Variants in MATR3 observed in about 807,000 individuals in gnomAD.
MATR3 encodes matrin 3, also known as matrin-3.
Under a neutral mutation model 85.5 loss-of-function variants are expected in MATR3, and 4 were observed. The ratio of observed to expected loss-of-function variants is 0.05; its 90% CI spans 0.02 to 0.11. MATR3 has a LOEUF of 0.11. Among genes scored for constraint, MATR3 ranks in the 10% least tolerant of loss-of-function variants. The pLI, the probability that MATR3 is intolerant of heterozygous loss-of-function variation, is 1.00. For missense variants in MATR3, 685 were observed against 1,016.1 expected (o/e 0.67, Z 4.43); for synonymous variants, 336 against 343.1 (o/e 0.98, Z 0.23).
rs1561932944 is a variant in MATR3 at position 139,307,376 on chromosome 5, T to A, written c.-40T>A. The A allele has an allele frequency of 1.3e-6, 2 of 1,577,432 alleles. No individual in the cohort carries two copies. The highest frequency in any genetic ancestry group is 8.6e-7 in the Non-Finnish European group (1 of 1,168,488). ...TTTTTGGCCGTCTTTAAAAAAATTTTTTTTTTTAATCTATAAAATAGACAA... is the reference window on the plus strand; with the variant it reads ...TTTTTGGCCGTCTTTAAAAAAATTTATTTTTTTAATCTATAAAATAGACAA... On this transcript the variant is annotated 5_prime_UTR_variant, in exon 2 of 15. Transcript: ENST00000394805. The surrounding 1 kb of genome is among the most constrained non-coding windows in gnomAD (Gnocchi z 4.4).
In MATR3 at chr5:139,331,316, T is replaced by C. The variant is rs2152037469; in HGVS notation, c.*1921T>C. The C allele has an allele frequency of 2.2e-6, 1 of 454,170 alleles. No individual in the cohort carries two copies. Among genetic ancestry groups the C allele is most frequent in the Middle Eastern group, 6.9e-4 (1 of 1,444 alleles). The allele number at this position is 454,170 out of a possible 1,614,324, so 28.1% of individuals were successfully genotyped here. ...GCCTTTACTAATTACCCACTTCTGT[T>C]TAATTCCAATTTTTAACAGCAGGTA... On this transcript the variant is annotated 3_prime_UTR_variant, in exon 15 of 15. Coordinates refer to ENST00000394805, the MANE Select transcript of MATR3 (RefSeq NM_018834.6).
intron 1 of MATR3, among the ~76,000 whole-genome samples, chr5:139,303,823 T>C (rs1166653201): frequency 6.6e-6 from 1 of 152,222 alleles, no homozygotes; most frequent in Non-Finnish European, 1.5e-5. Context: ...TTGCGCTTAT[T>C]TTAGTAATTC....
At position 139,330,560 on chromosome 5, in the gene MATR3, A is replaced by C. The variant is rs528764967; in HGVS notation, c.*1165A>C. The C allele has an allele frequency of 6.6e-6, 3 of 454,116 alleles. No individual in the cohort carries two copies. The highest frequency in any genetic ancestry group is 4.7e-5 in the South Asian group (3 of 64,480). 28.1% of individuals were successfully genotyped at this position (454,116 alleles called of 1,614,324 possible). A position where few individuals can be genotyped will look rare whatever the true frequency, so the allele number is the denominator to read the frequency against. On this transcript the variant is annotated 3_prime_UTR_variant, in exon 15 of 15. Coordinates refer to ENST00000394805, the MANE Select transcript of MATR3 (RefSeq NM_018834.6). ...GCCGCTAAAGATCTGAGTTTTAAAA[A>C]TGTTGTTGCTGGTGGATTTCTTGTT...
chr5:139,317,103 G>A lies in MATR3; in HGVS notation c.1180G>A (p.Val394Met), dbSNP rs1482158829. 3.1e-6 allele frequency: 5 copies of A among 1,614,030 alleles called. No homozygotes were observed. Among genetic ancestry groups the A allele is most frequent in the Non-Finnish European group, 4.2e-6 (5 of 1,179,924 alleles). ...ACCTAGACACATGCAGAAAGGCAGA[G>A]TGGTCAGTAATGAAGCTTTTGGTTT... is the stretch of plus-strand genomic sequence containing the variant. Reference protein sequence around the residue: ...QGPRHMQKGRVETSRVVHIMD... With the variant: ...QGPRHMQKGRMETSRVVHIMD... The change falls in exon 6 of 15, where the codon GTG becomes ATG. Residue 394 changes from valine to methionine, a missense_variant and splice_region_variant. This residue lies in a region of MATR3 where 223 missense variants were observed against 334.4 expected (regional missense o/e 0.67). Transcript: ENST00000394805.
chr5:139,289,094 G>A (rs1753795601), upstream of MATR3, among the ~76,000 whole-genome samples: 1 of 152,190 alleles, frequency 6.6e-6, no homozygotes, highest in Non-Finnish European at 1.5e-5. Context: ...CATCATGAGG[G>A]AAGCCCCAGC....
intron 1 of MATR3, among the ~76,000 whole-genome samples, chr5:139,295,933 C>T (rs1754125292): frequency 6.6e-6 from 1 of 152,116 alleles, no homozygotes; most frequent in African/African-American, 2.4e-5. Context: ...AAGTAATCCT[C>T]CCACCTCAGC....
In MATR3 at chr5:139,331,559, A is replaced by T; in HGVS notation, c.*2164A>T. 2.2e-6 allele frequency: 1 copy of T among 454,144 alleles called. No individual in the cohort carries two copies. Among genetic ancestry groups the T allele is most frequent in the Non-Finnish European group, 4.4e-6 (1 of 226,800 alleles). 28.1% of individuals were successfully genotyped at this position (454,144 alleles called of 1,614,324 possible). On this transcript the variant is annotated 3_prime_UTR_variant, in exon 15 of 15. Transcript: ENST00000394805. ...TACGAGAAAACCTCTTTTTAGTAGG[A>T]ATGTTTCCACTCATGTTTGCTGTAA... is the stretch of plus-strand genomic sequence containing the variant.
At chr5:139,322,419 T>C in intron 10 of MATR3, 44 bp from the exon 11 acceptor site, 1 of 1,515,042 alleles carries the variant, frequency 6.6e-7, no homozygotes, top group East Asian at 2.3e-5. Flanking sequence ...GATAATTGTG[T>C]ATTCTGCAAA....
intron 9 of MATR3, among the ~76,000 whole-genome samples, chr5:139,320,419 A>G (rs1336922619): frequency 6.6e-6 from 1 of 152,200 alleles, no homozygotes; most frequent in Non-Finnish European, 1.5e-5. Flanking sequence ...CCCTGACAAC[A>G]TATTGAGGCC....
At chr5:139,321,089 G>C (rs1342038379) in intron 9 of MATR3, among the ~76,000 whole-genome samples, 1 of 151,792 alleles carries the variant, frequency 6.6e-6, no homozygotes, top group Non-Finnish European at 1.5e-5. Context: ...TATATAGATG[G>C]CTTAGTATTT....
At chr5:139,293,297 GT>G (rs1358939141), upstream of MATR3, 1 of 152,036 alleles carries the variant, frequency 6.6e-6, no homozygotes, top group Non-Finnish European at 1.5e-5. Context: ...AGCCAAAATG[GT>G]ATCGTTTTCC....
chr5:139,308,454 A>C (rs958436504), intron 2 of MATR3, 127 bp downstream of exon 2: 1 of 1,117,142 alleles, frequency 9.0e-7, no homozygotes, highest in Non-Finnish European at 1.3e-6. Flanking sequence ...TTTTGAGAAC[A>C]CTTACTTTAT....
intron 12 of MATR3, among the ~76,000 whole-genome samples, chr5:139,324,310 T>TG (rs1216600261): frequency 6.8e-6 from 1 of 146,706 alleles, no homozygotes; most frequent in South Asian, 2.2e-4. Context: ...TTTTTTTTTT[T>TG]GGAGACGGAG....
In MATR3 at chr5:139,279,050, G is replaced by A; in HGVS notation, c.-256-1G>A. On this transcript the variant is annotated splice_acceptor_variant, in intron 2 of 16. Transcript: ENST00000509990. LOFTEE classifies it low-confidence loss of function (5UTR_SPLICE). ...TCATTCTTTACCTCTTTGAATCCTA[G>A]ATGCCTTCACCTGAATGACATCTAC... 1 of 475,544 alleles carries A rather than the reference G, an allele frequency of 2.1e-6. No individual in the cohort carries two copies. 29.5% of individuals were successfully genotyped at this position (475,544 alleles called of 1,614,324 possible).
chr5:139,319,269 A>G, intron 8 of MATR3, 65 bp from the exon 9 acceptor site: 1 of 1,475,504 alleles, frequency 6.8e-7, no homozygotes, highest in South Asian at 1.1e-5. Flanking sequence ...AAAGACTAGG[A>G]TGTTTTTAAC....
intron 9 of MATR3, among the ~76,000 whole-genome samples, 174 bp downstream of exon 9, chr5:139,319,675 G>A (rs539154051): frequency 1.8e-4 from 28 of 151,488 alleles, no homozygotes; most frequent in African/African-American, 6.5e-4. Flanking sequence ...TGGTGAAATC[G>A]TATCTCTATT....
Position 139,329,947 on chromosome 5 carries a change from T to G in MATR3, c.*552T>G, listed in dbSNP as rs1207076470. On this transcript the variant is annotated 3_prime_UTR_variant, in exon 15 of 15. Coordinates refer to ENST00000394805, the MANE Select transcript of MATR3 (RefSeq NM_018834.6). The stretch of plus-strand genomic sequence containing the variant: ...TTTTCTGTTAATGTCATGCTGTTGT[T>G]TAGGTAATAAGAAATATTAAGTAAT... 1 of 454,462 alleles carries G rather than the reference T, an allele frequency of 2.2e-6. No individual in the cohort carries two copies. The highest frequency in any genetic ancestry group is 2.3e-5 in the Admixed American group (1 of 42,556). 28.2% of individuals were successfully genotyped at this position (454,462 alleles called of 1,614,324 possible).
intron 10 of MATR3, 28 bp downstream of exon 10, chr5:139,322,057 T>C: frequency 6.2e-7 from 1 of 1,610,722 alleles, no homozygotes; most frequent in Non-Finnish European, 8.5e-7. Flanking sequence ...TGTCATCATT[T>C]AACAGCTTGT....
intron 3 of MATR3, among the ~76,000 whole-genome samples, chr5:139,287,561 G>C (rs913973900): frequency 2.0e-5 from 3 of 152,080 alleles, no homozygotes; most frequent in Non-Finnish European, 4.4e-5. Context: ...GGAGGTTGCC[G>C]TGAGCCAAGA....
Sources: allele counts gnomAD v4.1 joint callset (sites outside exome capture counted in the v4.1 genomes callset), GRCh38; gene constraint gnomAD v4.1.1; regional missense constraint gnomAD v4.1.1; non-coding constraint Gnocchi (gnomAD v3.1); transcripts MANE v1.5; gene names NCBI Gene and HGNC (gene_info 2026-07-23, HGNC 2026-07-21).